CMYA5: variants seen among roughly 807,000 people sequenced by gnomAD.
The protein encoded by CMYA5 is cardiomyopathy associated 5.
In CMYA5, 246 loss-of-function variants were observed where a neutral mutation model predicts 318.9. That is an observed-to-expected ratio of 0.77 (90% CI 0.70 to 0.86). CMYA5 has a LOEUF of 0.86. CMYA5 is among the 40% of genes least tolerant of loss of function. The probability of loss-of-function intolerance (pLI) is 0.00; values close to 1 mark genes in which losing one functional copy is unlikely to be tolerated. For synonymous variants in CMYA5, 1,641 were observed against 1,729.5 expected, an observed-to-expected ratio of 0.95 and a Z score of 1.27; for missense variants, 4,589 against 4,678.2, an observed-to-expected ratio of 0.98 and a Z score of 0.56.
intron 9 of CMYA5, among the ~76,000 whole-genome samples, chr5:79,770,442 G>A (rs60891356): frequency 0.017 from 2,558 of 152,132 alleles, 76 homozygotes; most frequent in African/African-American, 0.058. Flanking sequence ...GTAGGCACCC[G>A]AGAGAATCTC....
chr5:79,771,534 C>G (rs1222428778), intron 9 of CMYA5, among the ~76,000 whole-genome samples: 1 of 152,200 alleles, frequency 6.6e-6, no homozygotes, highest in Non-Finnish European at 1.5e-5. Context: ...ATACTTAAAT[C>G]AGCAGAAATC....
intron 9 of CMYA5, among the ~76,000 whole-genome samples, chr5:79,771,002 G>A (rs1038344725): frequency 2.6e-5 from 4 of 151,564 alleles, no homozygotes; most frequent in Non-Finnish European, 5.9e-5. Flanking sequence ...GCCAGCTGCT[G>A]GAAGGCAGGC....
chr5:79,702,931 A>G (rs1193537007), intron 1 of CMYA5, among the ~76,000 whole-genome samples: 1 of 152,142 alleles, frequency 6.6e-6, no homozygotes, highest in African/African-American at 2.4e-5. Flanking sequence ...GGAGCTGCAC[A>G]TCTATTTCTT....
chr5:79,732,188 G>A lies in CMYA5; in HGVS notation c.3423G>A (p.Glu1141=). Residue 1141 remains glutamate (E), a synonymous_variant, in exon 2 of 13, where the codon GAG becomes GAA. Transcript: ENST00000446378. ...GTGAAGTGGAGAAGGGAGAAAGGGAGGCAAGTTCATCAGTAGCTGCAATAC... is the reference window on the plus strand; with the variant it reads ...GTGAAGTGGAGAAGGGAGAAAGGGAAGCAAGTTCATCAGTAGCTGCAATAC... ...LTSEVEKGER[E]ASSSVAAIPA... 1 of 1,613,886 alleles carries A rather than the reference G, an allele frequency of 6.2e-7. No homozygotes were observed. Among genetic ancestry groups the A allele is most frequent in the Non-Finnish European group, 8.5e-7 (1 of 1,179,862 alleles).
At chr5:79,794,446 G>A (rs990604019) in intron 12 of CMYA5, among the ~76,000 whole-genome samples, 11 of 152,202 alleles carry the variant, frequency 7.2e-5, no homozygotes, top group African/African-American at 2.7e-4. Flanking sequence ...TCACAGTATG[G>A]TTTAATAGAA....
intron 9 of CMYA5, among the ~76,000 whole-genome samples, chr5:79,778,601 G>T (rs959725959): frequency 3.3e-5 from 5 of 151,380 alleles, no homozygotes; most frequent in African/African-American, 1.2e-4. Context: ...TTGGATTGTG[G>T]TATTTTTTCT....
chr5:79,691,555 A>T (rs1826971319), intron 1 of CMYA5, among the ~76,000 whole-genome samples: 1 of 152,210 alleles, frequency 6.6e-6, no homozygotes, highest in South Asian at 2.1e-4. Flanking sequence ...GAAAGAGGTC[A>T]GAATAAATAG....
At chr5:79,716,533 C>G (rs1827520518) in intron 1 of CMYA5, among the ~76,000 whole-genome samples, 1 of 152,238 alleles carries the variant, frequency 6.6e-6, no homozygotes, top group Non-Finnish European at 1.5e-5. Flanking sequence ...AGATGTCCTT[C>G]TACTTGAGAA....
chr5:79,716,955 T>C lies in CMYA5; in HGVS notation c.150-11960T>C, dbSNP rs1017786790. 1.2e-4 allele frequency among the ~76,000 whole-genome samples: 18 copies of C among 152,222 alleles called. No individual in the cohort carries two copies. The East Asian group carries it at 3.5e-3, about 29-fold the overall frequency. ...TTTAAAAATTTGCACCATATGGTAA[T>C]CTTGCTGTAAAAGACCACACCTAAC... On this transcript the variant is annotated intron_variant, in intron 1 of 12. Transcript: ENST00000446378.
chr5:79,728,940 A>G lies in CMYA5; in HGVS notation c.175A>G (p.Lys59Glu), dbSNP rs754553182. The G allele has an allele frequency of 6.3e-7, 1 of 1,591,126 alleles. No individual in the cohort carries two copies. Among genetic ancestry groups the G allele is most frequent in the Non-Finnish European group, 8.5e-7 (1 of 1,169,660 alleles). ...SRLSDQDEEG[K>E]IKQEYIISDP... is the part of the protein sequence containing the mutation. ...GTTATCAGACCAGGATGAAGAGGGAAAGATCAAGCAGGAGTATATCATATC... is the reference window on the plus strand; with the variant it reads ...GTTATCAGACCAGGATGAAGAGGGAGAGATCAAGCAGGAGTATATCATATC... Residue 59 changes from lysine to glutamate, a missense_variant, in exon 2 of 13, where the codon AAG becomes GAG. Lys to Glu is a moderately conservative substitution (Grantham distance 56). This residue lies in a region of CMYA5 where 2,132 missense variants were observed against 2,131.3 expected (regional missense o/e 1.00). Transcript: ENST00000446378.
rs1326371800 is a variant in CMYA5 at position 79,733,790 on chromosome 5, G to C, written c.5025G>C (p.Glu1675Asp). The change falls in exon 2 of 13, where the codon GAG becomes GAC. Residue 1675 changes from glutamate to aspartate, a missense_variant. By Grantham distance (45) the Glu-to-Asp change is conservative. Around this residue, in one of 3 missense-constraint regions of CMYA5, gnomAD observed 2,132 missense variants for 2,131.3 expected, o/e 1.00. Transcript: ENST00000446378. ...CTGTTTTAGAAAAAGGCCCAGCTGAGCTTAGGAGCAGAGAAGGAAAAGAAG... is the reference window on the plus strand; with the variant it reads ...CTGTTTTAGAAAAAGGCCCAGCTGACCTTAGGAGCAGAGAAGGAAAAGAAG... Reference protein sequence around the residue: ...EDSVLEKGPAELRSREGKEEN... With the variant: ...EDSVLEKGPADLRSREGKEEN... 2 of 1,613,652 alleles carry C rather than the reference G, an allele frequency of 1.2e-6. No homozygotes were observed. The highest frequency in any genetic ancestry group is 1.7e-5 in the Admixed American group (1 of 59,938).
At chr5:79,787,840 C>G (rs1481151819) in intron 9 of CMYA5, among the ~76,000 whole-genome samples, 1 of 152,038 alleles carries the variant, frequency 6.6e-6, no homozygotes. Flanking sequence ...GTTTTCTGGG[C>G]CAAGAACATT....
rs1827879051 is a variant in CMYA5 at position 79,730,888 on chromosome 5, A to C, written c.2123A>C (p.Lys708Thr). The C allele has an allele frequency of 6.2e-7, 1 of 1,613,974 alleles. No individual in the cohort carries two copies. Among genetic ancestry groups the C allele is most frequent in the African/African-American group, 1.3e-5 (1 of 75,060 alleles). ...SEYSVPSLATKESLKKTIDRK... is the reference protein window; with the variant it reads ...SEYSVPSLATTESLKKTIDRK... ...TATTCAGTTCCATCACTGGCAACAA[A>C]AGAGTCACTGAAGAAAACAATTGAC... Residue 708 changes from lysine (K) to threonine (T), a missense_variant, in exon 2 of 13, where the codon AAA (lysine) becomes ACA (threonine). Around this residue, in one of 3 missense-constraint regions of CMYA5, gnomAD observed 2,132 missense variants for 2,131.3 expected, o/e 1.00. Transcript: ENST00000446378.
chr5:79,778,811 C>CTGTGTG (rs35461782), intron 9 of CMYA5, among the ~76,000 whole-genome samples: 5 of 85,022 alleles, frequency 5.9e-5, no homozygotes, highest in African/African-American at 2.6e-4. Flanking sequence ...CTCTCTCTTT[C>CTGTGTG]TGTGTGTGTG....
intron 9 of CMYA5, among the ~76,000 whole-genome samples, chr5:79,770,421 G>GA (rs1828832968): frequency 0.019 from 2 of 106 alleles, no homozygotes; most frequent in Non-Finnish European, 0.04. Context: ...TGAAACCCAG[G>GA]GCCTGGTGGT....
At chr5:79,701,986 G>A (rs191381815) in intron 1 of CMYA5, among the ~76,000 whole-genome samples, 3 of 152,200 alleles carry the variant, frequency 2.0e-5, no homozygotes, top group East Asian at 1.9e-4. Flanking sequence ...AATTAGCGGG[G>A]CGTGGTGGCG....
At chr5:79,774,868 C>A (rs1252883544) in intron 9 of CMYA5, among the ~76,000 whole-genome samples, 1 of 152,170 alleles carries the variant, frequency 6.6e-6, no homozygotes, top group Non-Finnish European at 1.5e-5. Flanking sequence ...GAACTTAGTG[C>A]AGAGTGAGGA....
Position 79,733,922 on chromosome 5 carries a change from G to A in CMYA5, c.5157G>A (p.Lys1719=), listed in dbSNP as rs764133555. Residue 1719 remains lysine (K), a synonymous_variant, in exon 2 of 13, where the codon AAG becomes AAA. Coordinates refer to ENST00000446378, the MANE Select transcript of CMYA5 (RefSeq NM_153610.5). Reference sequence around the variant, plus strand: ...AAGAAATTAAACCTTTCTCTCCCAAGATCATCAGCCTAGAGTCGAAAGAAC... The same window carrying A: ...AAGAAATTAAACCTTTCTCTCCCAAAATCATCAGCCTAGAGTCGAAAGAAC... The part of the protein sequence containing the change: ...QNEEIKPFSP[K]IISLESKEPP... The A allele has an allele frequency of 2.1e-4, 341 of 1,613,082 alleles. No homozygotes were observed. The highest frequency in any genetic ancestry group is 2.1e-4 in the Non-Finnish European group (250 of 1,179,776).
chr5:79,755,485 C>T (rs1449090210), intron 6 of CMYA5, among the ~76,000 whole-genome samples: 1 of 152,084 alleles, frequency 6.6e-6, no homozygotes, highest in African/African-American at 2.4e-5. Context: ...TGGGGTTTTG[C>T]TGTGTTGGCC....
Sources: allele counts gnomAD v4.1 joint callset (sites outside exome capture counted in the v4.1 genomes callset), GRCh38; gene constraint gnomAD v4.1.1; regional missense constraint gnomAD v4.1.1; transcripts MANE v1.5; gene names NCBI Gene and HGNC (gene_info 2026-07-23, HGNC 2026-07-21).